MAP3K10: variants seen among roughly 807,000 people sequenced by gnomAD.
MAP3K10 encodes the protein MKN28 derived nonreceptor_type serine/threonine kinase.
Under a neutral mutation model 75.0 loss-of-function variants are expected in MAP3K10, and 22 were observed. The observed-to-expected ratio is 0.29, with a 90% CI of 0.21 to 0.42. The LOEUF (loss-of-function observed/expected upper bound fraction) is 0.42, where lower values mean the gene tolerates loss of function less well. MAP3K10 is among the 10% of genes least tolerant of loss of function. The pLI is 1.00. For synonymous variants in MAP3K10, 599 were observed against 612.9 expected, an observed-to-expected ratio of 0.98 and a Z score of 0.34; for missense variants, 1,165 against 1,379.8, an observed-to-expected ratio of 0.84 and a Z score of 2.47.
intron 2 of MAP3K10, among the ~76,000 whole-genome samples, chr19:40,202,385 G>A (rs1599905497): frequency 6.6e-6 from 1 of 152,156 alleles, no homozygotes; most frequent in Admixed American, 6.6e-5. Context: ...TCCTGTGCCT[G>A]TCTGCTGTGC....
At chr19:40,206,402 C>G in intron 5 of MAP3K10, 2 of 314,428 alleles carry the variant, frequency 6.4e-6, no homozygotes, top group Non-Finnish European at 1.1e-5. Context: ...CCATATTTAC[C>G]AAAAAAAAAA....
chr19:40,206,798 A>G (rs1973130830), intron 5 of MAP3K10, among the ~76,000 whole-genome samples: 2 of 152,270 alleles, frequency 1.3e-5, no homozygotes, highest in South Asian at 4.1e-4. Context: ...CTCTTTAAAA[A>G]TATCTTTTAA....
rs1181930092 is a variant in MAP3K10, at chr19:40,205,036, G to A, written c.1013-85G>A. On this transcript the variant is annotated intron_variant, in intron 3 of 9. Coordinates refer to ENST00000253055, the MANE Select transcript of MAP3K10 (RefSeq NM_002446.4). This position sits in a 1 kb window ranked among gnomAD's most constrained non-coding sequence, Gnocchi z 4.3. ...TTTGTCTGCCATCCCCAGAAATTCT[G>A]CCTTCCTCTGAGCAGGCTGAGTCCC... 3 of 1,256,758 alleles carry A rather than the reference G, an allele frequency of 2.4e-6. No homozygotes were observed. In the African/African-American group the frequency reaches 4.4e-5, roughly 19 times the overall value. The allele number at this position is 1,256,758 out of a possible 1,614,324, so 77.9% of individuals were successfully genotyped here.
At chr19:40,194,319 C>T (rs1369472877) in intron 1 of MAP3K10, among the ~76,000 whole-genome samples, 1 of 152,058 alleles carries the variant, frequency 6.6e-6, no homozygotes, top group Non-Finnish European at 1.5e-5. Flanking sequence ...GATTGCACCA[C>T]TGCACTCCAG....
chr19:40,207,023 C>T lies in MAP3K10; in HGVS notation c.1435+866C>T, dbSNP rs146434964. On this transcript the variant is annotated intron_variant, in intron 5 of 9. Transcript: ENST00000253055. The stretch of plus-strand genomic sequence containing the variant: ...CTGAGGCACAAGCATCGCTTGAACC[C>T]GGAAAGCAGAGGTTGCAGTGAGCCG... Among the ~76,000 whole-genome samples the T allele has an allele frequency of 6.9e-3, 1,044 of 152,166 alleles. 13 individuals are homozygous for T. The highest frequency in any genetic ancestry group is 0.024 in the African/African-American group (981 of 41,506).
intron 2 of MAP3K10, among the ~76,000 whole-genome samples, chr19:40,200,723 A>G (rs1398598557): frequency 7.0e-6 from 1 of 143,644 alleles, no homozygotes; most frequent in Non-Finnish European, 1.5e-5. Context: ...GATTCAAGTG[A>G]TTCTTGTGCC....
chr19:40,209,243 CCAGT>C (rs770937762), intron 6 of MAP3K10, 24 bp downstream of exon 6: 17 of 1,582,944 alleles, frequency 1.1e-5, no homozygotes, highest in South Asian at 5.5e-5. Flanking sequence ...AAGGCCCTGA[CCAGT>C]CAGTCAGTCA....
At chr19:40,210,037 G>A (rs961201943) in intron 6 of MAP3K10, among the ~76,000 whole-genome samples, 4 of 151,992 alleles carry the variant, frequency 2.6e-5, no homozygotes, top group Non-Finnish European at 5.9e-5. Context: ...GGAGGCCGAG[G>A]CAGGCGGATC....
chr19:40,202,729 T>G (rs1257405810), intron 2 of MAP3K10, among the ~76,000 whole-genome samples: 1 of 152,144 alleles, frequency 6.6e-6, no homozygotes, highest in African/African-American at 2.4e-5. Flanking sequence ...CACTGCAGCC[T>G]TGAACTCTTG....
rs1225773543 is a variant in MAP3K10 at position 40,191,758 on chromosome 19, C to G, written c.-274C>G. 1 of 357,906 alleles carries G rather than the reference C, an allele frequency of 2.8e-6. No homozygotes were observed. Among genetic ancestry groups the G allele is most frequent in the African/African-American group, 2.1e-5 (1 of 47,394 alleles). 22.2% of individuals were successfully genotyped at this position (357,906 alleles called of 1,614,324 possible). A position where few individuals can be genotyped will look rare whatever the true frequency, so the allele number is the denominator to read the frequency against. On this transcript the variant is annotated 5_prime_UTR_variant, in exon 1 of 10. Coordinates refer to ENST00000253055, the MANE Select transcript of MAP3K10 (RefSeq NM_002446.4). ...CATTCGAGAGCCGCGCGGCCAGGCC[C>G]TCTTAGCCCTCTGCCGTTTGGGGGG...
chr19:40,195,471 C>CTTTTTTTTTTTTT lies in MAP3K10; in HGVS notation c.682+2783_682+2795dup, dbSNP rs61289931. 2.5e-4 allele frequency among the ~76,000 whole-genome samples: 12 copies of CTTTTTTTTTTTTT among 48,658 alleles called. 2 individuals are homozygous for CTTTTTTTTTTTTT. Among genetic ancestry groups the CTTTTTTTTTTTTT allele is most frequent in the Non-Finnish European group, 3.1e-4 (7 of 22,796 alleles). 31.9% of individuals were successfully genotyped at this position (48,658 alleles called of 152,430 possible). A position where few individuals can be genotyped will look rare whatever the true frequency, so the allele number is the denominator to read the frequency against. ...GAGGTAACACTGAAGCCCGCCCGGC[C>CTTTTTTTTTTTTT]TTTTTTTTTTTTTTTTTTTTTTTTT... On this transcript the variant is annotated intron_variant, in intron 1 of 9. Coordinates refer to ENST00000253055, the MANE Select transcript of MAP3K10 (RefSeq NM_002446.4).
At chr19:40,195,365 G>C (rs1972885423) in intron 1 of MAP3K10, among the ~76,000 whole-genome samples, 1 of 151,788 alleles carries the variant, frequency 6.6e-6, no homozygotes, top group African/African-American at 2.4e-5. Context: ...ATACAAACAG[G>C]AGAGGTGGGG....
intron 1 of MAP3K10, among the ~76,000 whole-genome samples, chr19:40,196,474 A>G (rs570639932): frequency 3.5e-4 from 54 of 152,192 alleles, no homozygotes; most frequent in South Asian, 8.3e-4. Context: ...TAATCACACC[A>G]CTGCACTCCA....
chr19:40,214,934 C>T (rs771562927), intron 9 of MAP3K10, 36 bp from the exon 10 acceptor site: 1 of 994,648 alleles, frequency 1.0e-6, no homozygotes, highest in African/African-American at 1.6e-5. Flanking sequence ...ACCCTCTGCC[C>T]CACCCCACTC....
Position 40,213,335 on chromosome 19 carries a change from G to A in MAP3K10, c.1837+147G>A. 5.5e-6 allele frequency: 8 copies of A among 1,450,432 alleles called. No individual in the cohort carries two copies. Among genetic ancestry groups the A allele is most frequent in the East Asian group, 2.5e-5 (1 of 39,838 alleles). The allele number at this position is 1,450,432 out of a possible 1,614,324, so 89.8% of individuals were successfully genotyped here. A position where few individuals can be genotyped will look rare whatever the true frequency, so the allele number is the denominator to read the frequency against. ...GAGATGGTGGCCCCTGGGGCGTGGG[G>A]GGTCATTTCCAGGGGCAGGGACCAC... On this transcript the variant is annotated intron_variant, in intron 8 of 9. Transcript: ENST00000253055. The surrounding 1 kb of genome is among the most constrained non-coding windows in gnomAD (Gnocchi z 5.7).
At chr19:40,214,662 C>T (rs1352749667) in intron 9 of MAP3K10, among the ~76,000 whole-genome samples, 1 of 152,166 alleles carries the variant, frequency 6.6e-6, no homozygotes, top group Non-Finnish European at 1.5e-5. Flanking sequence ...CTAAGCCATG[C>T]CTGAGCTTAG....
chr19:40,208,213 C>G lies in MAP3K10; in HGVS notation c.1436-890C>G, dbSNP rs1003012827. Among the ~76,000 whole-genome samples, 3 of 151,626 alleles carry G rather than the reference C, an allele frequency of 2.0e-5. No homozygotes were observed. In the East Asian group the frequency reaches 5.8e-4, roughly 29 times the overall value. On this transcript the variant is annotated intron_variant, in intron 5 of 9. Transcript: ENST00000253055. Reference sequence around the variant, plus strand: ...TTGAGATGGAGCCTCGCTCTGTCACCCAGGCTGGAGTGCAGTGGCATGATC... The same window carrying G: ...TTGAGATGGAGCCTCGCTCTGTCACGCAGGCTGGAGTGCAGTGGCATGATC...
chr19:40,203,182 A>T (rs1475814460), intron 2 of MAP3K10, among the ~76,000 whole-genome samples: 1 of 152,144 alleles, frequency 6.6e-6, no homozygotes, highest in Non-Finnish European at 1.5e-5. Context: ...TCTACTAAAA[A>T]TACACAAATT....
chr19:40,208,966 C>CT, intron 5 of MAP3K10, 137 bp from the exon 6 acceptor site: 1 of 687,008 alleles, frequency 1.5e-6, no homozygotes, highest in Non-Finnish European at 2.6e-6. Flanking sequence ...GGCCCACACT[C>CT]TGAGAACCAC....
Sources: allele counts gnomAD v4.1 joint callset (sites outside exome capture counted in the v4.1 genomes callset), GRCh38; gene constraint gnomAD v4.1.1; non-coding constraint Gnocchi (gnomAD v3.1); transcripts MANE v1.5; gene names NCBI Gene and HGNC (gene_info 2026-07-23, HGNC 2026-07-21).